CELF1: variants seen among roughly 807,000 people sequenced by gnomAD.
CELF1 encodes the protein CUGBP Elav-like family member 1.
Under a neutral mutation model 61.8 loss-of-function variants are expected in CELF1, and 10 were observed. That is an observed-to-expected ratio of 0.16 (90% CI 0.10 to 0.27). The LOEUF (loss-of-function observed/expected upper bound fraction) is 0.27. Ranked by LOEUF, CELF1 falls within the 10% of genes least tolerant of loss-of-function variation. The probability of loss-of-function intolerance (pLI) is 1.00; values close to 1 mark genes in which losing one functional copy is unlikely to be tolerated. For missense variants in CELF1, 380 were observed against 639.1 expected, an observed-to-expected ratio of 0.59 and a Z score of 4.37; for synonymous variants, 236 against 225.1, an observed-to-expected ratio of 1.05 and a Z score of -0.43.
chr11:47,494,581 A>AATTTCCCCACCCCAGGCCT (rs1474005746), intron 3 of CELF1: 3 of 765,516 alleles, frequency 3.9e-6, no homozygotes, highest in Non-Finnish European at 4.8e-6. Context: ...CCCCTCTCAA[A>AATTTCCCCACCCCAGGCCT]ATTTCCCCAC....
intron 3 of CELF1, chr11:47,496,003 C>T: frequency 1.0e-6 from 1 of 985,274 alleles, no homozygotes; most frequent in Non-Finnish European, 1.2e-6. Flanking sequence ...TCTGCTACCA[C>T]CCACCCTTAT....
intron 3 of CELF1, among the ~76,000 whole-genome samples, chr11:47,498,117 G>T (rs1462308870): frequency 6.6e-6 from 1 of 152,132 alleles, no homozygotes; most frequent in African/African-American, 2.4e-5. Flanking sequence ...CGTAATTTTG[G>T]AGACTACAGA....
chr11:47,485,224 A>G (rs1344384167), intron 6 of CELF1, among the ~76,000 whole-genome samples: 1 of 152,202 alleles, frequency 6.6e-6, no homozygotes, highest in Non-Finnish European at 1.5e-5. Flanking sequence ...GCTGTCACCC[A>G]GGCTGAAGTG....
At position 47,475,265 on chromosome 11, in the gene CELF1, T is replaced by G; in HGVS notation, c.1273+71A>C. The G allele has an allele frequency of 2.0e-6, 3 of 1,477,200 alleles. No homozygotes were observed. In the South Asian group the frequency reaches 3.5e-5, roughly 17 times the overall value. 91.5% of individuals were successfully genotyped at this position (1,477,200 alleles called of 1,614,324 possible). A position where few individuals can be genotyped will look rare whatever the true frequency, so the allele number is the denominator to read the frequency against. The stretch of plus-strand genomic sequence containing the variant: ...CCTAACTGGTTCCCTCAGCCTTTGC[T>G]CTGCCTTTCCGTTCTGGTATAGGAG... On this transcript the variant is annotated intron_variant, in intron 13 of 14. Transcript: ENST00000687097.
upstream of CELF1, among the ~76,000 whole-genome samples, chr11:47,554,043 C>G (rs1197180027): frequency 6.6e-6 from 1 of 152,066 alleles, no homozygotes; most frequent in African/African-American, 2.4e-5. Context: ...GCAAATAACT[C>G]ATGGGATGGT....
chr11:47,558,532 T>C (rs1348006992), intron 2 of CELF1, among the ~76,000 whole-genome samples: 1 of 120,492 alleles, frequency 8.3e-6, no homozygotes, highest in Non-Finnish European at 1.6e-5. Flanking sequence ...TATATGTATA[T>C]ATTTATATAT....
intron 6 of CELF1, 118 bp from the exon 7 acceptor site, chr11:47,484,641 T>A: frequency 1.3e-6 from 1 of 764,192 alleles, no homozygotes. Context: ...TTTTACAGAT[T>A]CAAAGACACA....
rs533834835 is a variant in CELF1 at position 47,546,003 on chromosome 11, C to T, written c.-154+6989G>A. 1.9e-4 allele frequency among the ~76,000 whole-genome samples: 28 copies of T among 150,786 alleles called. 2 individuals are homozygous for T. Among genetic ancestry groups the T allele is most frequent in the Admixed American group, 1.8e-3 (27 of 15,040 alleles). ...TCAGCTCACTGCAAGCTCCGCCTCC[C>T]GGGTTCACGCCATTCTCCTGCCTCA... On this transcript the variant is annotated intron_variant, in intron 1 of 14. Coordinates refer to ENST00000687097, the MANE Select transcript of CELF1 (RefSeq NM_001376376.1).
rs554774060 is a variant in CELF1 at position 47,493,597 on chromosome 11, T to C, written c.72-4573A>G. ...GGGGCAATCTTCAAACTTAACTCTT[T>C]GGAAATTTTTACAGAAATTAGACTG... On this transcript the variant is annotated intron_variant, in intron 3 of 14. Transcript: ENST00000687097. Among the ~76,000 whole-genome samples, 8 of 152,004 alleles carry C rather than the reference T, an allele frequency of 5.3e-5. No homozygotes were observed. In the East Asian group the frequency reaches 1.4e-3, roughly 26 times the overall value.
At chr11:47,473,345 G>A in intron 13 of CELF1, 114 bp from the exon 14 acceptor site, 1 of 971,392 alleles carries the variant, frequency 1.0e-6, no homozygotes. Context: ...TAAAAACAGA[G>A]ATTCATCTGG....
chr11:47,553,034 G>A lies in CELF1; in HGVS notation c.-196C>T. The A allele has an allele frequency of 2.5e-6, 1 of 397,150 alleles. No homozygotes were observed. Among genetic ancestry groups the A allele is most frequent in the South Asian group, 1.2e-4 (1 of 8,044 alleles). 24.6% of individuals were successfully genotyped at this position (397,150 alleles called of 1,614,324 possible). On this transcript the variant is annotated 5_prime_UTR_variant, in exon 1 of 15. Transcript: ENST00000687097. The stretch of plus-strand genomic sequence containing the variant: ...CCTGCCGCTGCCTCAGTTGCTGCCT[G>A]CGCCTCCGCAGCCGCCGCCGCCGCC...
At chr11:47,510,763 C>T (rs916623167) in intron 1 of CELF1, among the ~76,000 whole-genome samples, 1 of 152,184 alleles carries the variant, frequency 6.6e-6, no homozygotes, top group Non-Finnish European at 1.5e-5. Context: ...GCTGGGATTA[C>T]AGGTGCAAGC....
chr11:47,489,905 T>C (rs2090117081), intron 3 of CELF1, among the ~76,000 whole-genome samples: 1 of 143,804 alleles, frequency 7.0e-6, no homozygotes, highest in Admixed American at 7.5e-5. Context: ...TCTTACACTA[T>C]AGATGTTTCC....
intron 9 of CELF1, chr11:47,482,487 T>C (rs759519851): frequency 1.6e-5 from 6 of 379,758 alleles, no homozygotes; most frequent in Admixed American, 9.0e-5. Flanking sequence ...CCTCAAGATA[T>C]AACCAGAGAT....
chr11:47,512,948 G>A (rs773409106), intron 1 of CELF1, among the ~76,000 whole-genome samples: 2 of 152,122 alleles, frequency 1.3e-5, no homozygotes, highest in Non-Finnish European at 2.9e-5. Flanking sequence ...ATGCTAAACC[G>A]TGTGAAAATG....
At chr11:47,524,163 G>A (rs1565885649) in intron 1 of CELF1, among the ~76,000 whole-genome samples, 1 of 152,080 alleles carries the variant, frequency 6.6e-6, no homozygotes, top group Non-Finnish European at 1.5e-5. Flanking sequence ...CTTTCAAGAT[G>A]TGCACTAAAT....
intron 1 of CELF1, among the ~76,000 whole-genome samples, chr11:47,516,491 T>G (rs533621008): frequency 6.6e-6 from 1 of 152,292 alleles, no homozygotes; most frequent in Admixed American, 6.5e-5. Flanking sequence ...GAGGGTTTCT[T>G]AAATCTTCCG....
intron 1 of CELF1, among the ~76,000 whole-genome samples, chr11:47,550,503 G>GACTC (rs2153770468): frequency 6.6e-6 from 1 of 152,226 alleles, no homozygotes; most frequent in East Asian, 1.9e-4. Flanking sequence ...GACAGAGCAA[G>GACTC]ACTCCATGGC....
At chr11:47,498,973 G>A (rs1223451990) in intron 3 of CELF1, among the ~76,000 whole-genome samples, 5 of 152,136 alleles carry the variant, frequency 3.3e-5, no homozygotes, top group African/African-American at 1.2e-4. Context: ...CACTTTGTAT[G>A]TTAATACAGA....
Sources: allele counts gnomAD v4.1 joint callset (sites outside exome capture counted in the v4.1 genomes callset), GRCh38; gene constraint gnomAD v4.1.1; transcripts MANE v1.5; gene names NCBI Gene and HGNC (gene_info 2026-07-23, HGNC 2026-07-21).